The following SHD variants were observed in gnomAD, a reference collection of about 807,000 sequenced individuals.
SHD encodes the protein SH2 domain-containing adapter protein D.
In SHD, 29 loss-of-function variants were observed where a neutral mutation model predicts 31.2. The observed-to-expected ratio is 0.93, with a 90% CI of 0.69 to 1.27. The LOEUF (loss-of-function observed/expected upper bound fraction) is 1.27, where lower values mean the gene tolerates loss of function less well. Among genes scored for constraint, SHD ranks in the 50% most tolerant of loss-of-function variants. The probability of loss-of-function intolerance (pLI) is 0.00; values close to 1 mark genes in which losing one functional copy is unlikely to be tolerated. For synonymous variants in SHD, 208 were observed against 187.8 expected (o/e 1.11, Z -0.88); for missense variants, 520 against 453.8 (o/e 1.15, Z -1.33).
Position 4,282,948 on chromosome 19 carries a change from C to G in SHD, c.376C>G (p.Pro126Ala), listed in dbSNP as rs767988735. 6.2e-7 allele frequency: 1 copy of G among 1,614,016 alleles called. No homozygotes were observed. The highest frequency in any genetic ancestry group is 1.7e-5 in the Admixed American group (1 of 59,970). ...PAPPDDGYME[P>A]YDAQWVMSEL... ...ACCCCCGGATGATGGGTACATGGAG[C>G]CCTACGATGCCCAATGGGTCATGAG... is the stretch of plus-strand genomic sequence containing the variant. Residue 126 changes from proline (P) to alanine (A), a missense_variant, in exon 2 of 6, where the codon CCC (proline) becomes GCC (alanine). Pro to Ala is a conservative substitution (Grantham distance 27). Transcript: ENST00000543264.
At chr19:4,282,352 G>A (rs991767412) in intron 1 of SHD, among the ~76,000 whole-genome samples, 15 of 150,796 alleles carry the variant, frequency 9.9e-5, no homozygotes, top group Non-Finnish European at 1.3e-4. Context: ...CCCGGGAGTC[G>A]GAGGTTGCAG....
In SHD at chr19:4,279,967, C is replaced by A. The variant is rs1971239053; in HGVS notation, c.-97C>A. On this transcript the variant is annotated 5_prime_UTR_variant, in exon 1 of 6. Coordinates refer to ENST00000543264, the MANE Select transcript of SHD (RefSeq NM_020209.4). This position sits in a 1 kb window ranked among gnomAD's most constrained non-coding sequence, Gnocchi z 7.5. ...TCTCATCCTTCCCTGCTCTTCCCTT[C>A]CTCTCCACCTCCTCCTCCTCCTTGG... 17 of 1,388,180 alleles carry A rather than the reference C, an allele frequency of 1.2e-5. 1 individual carries two copies. In the South Asian group the frequency reaches 2.5e-4, roughly 21 times the overall value. The allele number at this position is 1,388,180 out of a possible 1,614,324, so 86.0% of individuals were successfully genotyped here. A position where few individuals can be genotyped will look rare whatever the true frequency, so the allele number is the denominator to read the frequency against.
intron 1 of SHD, 67 bp from the exon 2 acceptor site, chr19:4,282,803 G>T (rs1971269379): frequency 2.2e-6 from 3 of 1,348,144 alleles, no homozygotes; most frequent in Non-Finnish European, 3.2e-6. Flanking sequence ...GCAGGCAAGA[G>T]GTGCAGCGTC....
intron 3 of SHD, among the ~76,000 whole-genome samples, chr19:4,284,044 C>G (rs925709175): frequency 9.9e-5 from 15 of 151,716 alleles, no homozygotes; most frequent in African/African-American, 2.7e-4. Context: ...TGGCTCACGC[C>G]TGTAATCCCA....
rs1246846632 is a variant in SHD at position 4,279,468 on chromosome 19, C to T, written c.-596C>T. 2 of 152,322 alleles carry T rather than the reference C, an allele frequency of 1.3e-5. No individual in the cohort carries two copies. Among genetic ancestry groups the T allele is most frequent in the African/African-American group, 4.8e-5 (2 of 41,462 alleles). The allele number at this position is 152,322 out of a possible 1,614,324, so 9.4% of individuals were successfully genotyped here. On this transcript the variant is annotated 5_prime_UTR_variant, in exon 1 of 6. Transcript: ENST00000543264. This position sits in a 1 kb window ranked among gnomAD's most constrained non-coding sequence, Gnocchi z 7.5. ...GCGGGGGCCGCGGGACTGGGGGCTC[C>T]CCGCTGAGCCGAGAGGAGCGCGACA...
In SHD at chr19:4,284,761, T is replaced by C. The variant is rs775867743; in HGVS notation, c.593-20T>C. 3.8e-6 allele frequency: 6 copies of C among 1,565,560 alleles called. No individual in the cohort carries two copies. In the African/African-American group the frequency reaches 6.8e-5, roughly 18 times the overall value. ...AGGTAGGCTGGACTTAACCCTTTCC[T>C]CTCTAAATCTCCTTTCCAGTGCAGT... On this transcript the variant is annotated intron_variant, in intron 3 of 5. Transcript: ENST00000543264.
intron 1 of SHD, among the ~76,000 whole-genome samples, chr19:4,281,130 G>A (rs906066592): frequency 1.9e-4 from 29 of 151,948 alleles, no homozygotes; most frequent in Non-Finnish European, 4.0e-4. Flanking sequence ...AAGGTCTCAC[G>A]GGGTTCTAGC....
chr19:4,285,476 C>T (rs1259468930), intron 4 of SHD, among the ~76,000 whole-genome samples: 1 of 152,150 alleles, frequency 6.6e-6, no homozygotes, highest in African/African-American at 2.4e-5. Context: ...CCTAAAATCT[C>T]TTCGGTGGGC....
In SHD at chr19:4,279,956, G is replaced by A; in HGVS notation, c.-108G>A. 1 of 1,323,666 alleles carries A rather than the reference G, an allele frequency of 7.6e-7. No homozygotes were observed. The highest frequency in any genetic ancestry group is 1.0e-6 in the Non-Finnish European group (1 of 982,196). The allele number at this position is 1,323,666 out of a possible 1,614,324, so 82.0% of individuals were successfully genotyped here. ...CACCTGATCTTTCTCATCCTTCCCT[G>A]CTCTTCCCTTCCTCTCCACCTCCTC... is the stretch of plus-strand genomic sequence containing the variant. On this transcript the variant is annotated 5_prime_UTR_variant, in exon 1 of 6. Transcript: ENST00000543264. The surrounding 1 kb of genome is among the most constrained non-coding windows in gnomAD (Gnocchi z 7.5).
rs1188628228 is a variant in SHD at position 4,279,269 on chromosome 19, G to C, written c.-795G>C. The C allele has an allele frequency of 6.6e-6, 1 of 151,764 alleles. No individual in the cohort carries two copies. The highest frequency in any genetic ancestry group is 1.5e-5 in the Non-Finnish European group (1 of 67,960). The allele number at this position is 151,764 out of a possible 1,614,324, so 9.4% of individuals were successfully genotyped here. On this transcript the variant is annotated 5_prime_UTR_variant, in exon 1 of 6. Coordinates refer to ENST00000543264, the MANE Select transcript of SHD (RefSeq NM_020209.4). This position sits in a 1 kb window ranked among gnomAD's most constrained non-coding sequence, Gnocchi z 7.5. The stretch of plus-strand genomic sequence containing the variant: ...GGGGAGGTGGGGGAGCCTTGACGCT[G>C]CTGCCCGGGACGCGGCCCGGGGCTG...
chr19:4,286,335 C>CCTTCCTTT (rs1555727720), intron 4 of SHD, among the ~76,000 whole-genome samples: 152 of 128,606 alleles, frequency 1.2e-3, no homozygotes, highest in African/African-American at 4.7e-3. Context: ...TTCCTTCCTT[C>CCTTCCTTT]CTTTCTTTCT....
Position 4,290,626 on chromosome 19 carries a change from C to G in SHD, c.1016C>G (p.Thr339Ser). The G allele has an allele frequency of 4.4e-6, 7 of 1,603,198 alleles. No individual in the cohort carries two copies. In the South Asian group the frequency reaches 6.6e-5, roughly 15 times the overall value. The change falls in exon 6 of 6, where the codon ACC becomes AGC. Residue 339 changes from threonine to serine, a missense_variant. Physicochemically the swap from Thr to Ser is moderately conservative, Grantham distance 58. Transcript: ENST00000543264. ...LALLYPVVTQ[T>S]P is the part of the protein sequence containing the mutation. ...CTGCTGTACCCCGTGGTCACGCAGA[C>G]CCCCTGACAGTGACCCTCGGCCCCC...
In SHD at chr19:4,283,119, G is replaced by A; in HGVS notation, c.469G>A (p.Asp157Asn). Residue 157 changes from aspartate to asparagine, a missense_variant, in exon 3 of 6, where the codon GAT (aspartate) becomes AAT (asparagine). By Grantham distance (23) the Asp-to-Asn change is conservative. Coordinates refer to ENST00000543264, the MANE Select transcript of SHD (RefSeq NM_020209.4). ...PYEEQDPETADGPPSGQKPRQ... is the reference protein window; with the variant it reads ...PYEEQDPETANGPPSGQKPRQ... The stretch of plus-strand genomic sequence containing the variant: ...TGAGGAACAGGACCCAGAGACAGCA[G>A]ATGGACCCCCTTCTGGGCAGAAGCC... 6.2e-7 allele frequency: 1 copy of A among 1,614,176 alleles called. No homozygotes were observed. Among genetic ancestry groups the A allele is most frequent in the Non-Finnish European group, 8.5e-7 (1 of 1,180,024 alleles).
chr19:4,290,645 G>A lies in SHD; in HGVS notation c.*12G>A, dbSNP rs768212203. 1.8e-5 allele frequency: 28 copies of A among 1,578,680 alleles called. No individual in the cohort carries two copies. Among genetic ancestry groups the A allele is most frequent in the Admixed American group, 7.2e-5 (4 of 55,212 alleles). The stretch of plus-strand genomic sequence containing the variant: ...CGCAGACCCCCTGACAGTGACCCTC[G>A]GCCCCCTTTTGAGTCCTCGGGCCCA... On this transcript the variant is annotated 3_prime_UTR_variant, in exon 6 of 6. Transcript: ENST00000543264.
chr19:4,281,654 A>C (rs1971258104), intron 1 of SHD, among the ~76,000 whole-genome samples: 1 of 151,934 alleles, frequency 6.6e-6, no homozygotes, highest in South Asian at 2.1e-4. Flanking sequence ...GCTACTCCTG[A>C]GGCTGAGGCA....
rs114044357 is a variant in SHD, at chr19:4,284,805, A to C, written c.617A>C (p.Glu206Ala). ...FAVQFDSPEWERTPGSAKELR... is the reference protein window; with the variant it reads ...FAVQFDSPEWARTPGSAKELR... ...GTGCAGTTTGACAGTCCAGAGTGGG[A>C]GAGGACTCCAGGCTCAGCCAAGGAG... Residue 206 changes from glutamate (E) to alanine (A), a missense_variant, in exon 4 of 6, where the codon GAG (glutamate) becomes GCG (alanine). By Grantham distance (107) the Glu-to-Ala change is moderately radical (BLOSUM62 -1). Transcript: ENST00000543264. 9,845 of 1,611,960 alleles carry C rather than the reference A, an allele frequency of 6.1e-3. 34 individuals are homozygous for C. Among genetic ancestry groups the C allele is most frequent in the Non-Finnish European group, 7.5e-3 (8,821 of 1,178,804 alleles).
At chr19:4,280,908 C>T (rs1035944820) in intron 1 of SHD, among the ~76,000 whole-genome samples, 1 of 151,994 alleles carries the variant, frequency 6.6e-6, no homozygotes, top group African/African-American at 2.4e-5. Flanking sequence ...GGTCCTCCTC[C>T]TCCTCCATGG....
chr19:4,290,379 C>A, intron 5 of SHD, 68 bp from the exon 6 acceptor site: 1 of 1,535,770 alleles, frequency 6.5e-7, no homozygotes, highest in Non-Finnish European at 8.8e-7. Context: ...TGGGAGGTGG[C>A]TTTGGGGATG....
chr19:4,289,877 T>TTTA (rs1002882966), intron 5 of SHD, among the ~76,000 whole-genome samples: 1 of 150,292 alleles, frequency 6.7e-6, no homozygotes, highest in African/African-American at 2.5e-5. Context: ...AGCCTATTTT[T>TTTA]TTATTATTAT....
Sources: gnomAD v4.1 joint callset for allele counts (sites outside exome capture counted in the v4.1 genomes callset) on GRCh38, gnomAD v4.1.1 for gene constraint, Gnocchi (gnomAD v3.1) non-coding constraint, MANE v1.5 for transcripts, NCBI Gene and HGNC (gene_info 2026-07-23, HGNC 2026-07-21) for gene names.